Variants in RALGAPA1 observed in about 807,000 individuals in gnomAD.
The protein encoded by RALGAPA1 is ral GTPase-activating protein subunit alpha-1.
In RALGAPA1, 52 loss-of-function variants were observed where a neutral mutation model predicts 269.6. That is an observed-to-expected ratio of 0.19 (90% CI 0.15 to 0.24). RALGAPA1 has a LOEUF of 0.24. Ranked by LOEUF, RALGAPA1 falls within the 10% of genes least tolerant of loss-of-function variation. The pLI is 1.00. For missense variants in RALGAPA1, 1,917 were observed against 3,013.9 expected (o/e 0.64, Z 8.52); for synonymous variants, 817 against 1,008.3 (o/e 0.81, Z 3.60).
chr14:35,585,020 G>A (rs544693301), intron 37 of RALGAPA1, among the ~76,000 whole-genome samples: 1 of 152,234 alleles, frequency 6.6e-6, no homozygotes, highest in South Asian at 2.1e-4. Flanking sequence ...AAGAAAGCAG[G>A]AGTAACTATA....
intron 38 of RALGAPA1, 88 bp downstream of exon 38, chr14:35,572,472 C>G: frequency 9.2e-7 from 1 of 1,083,462 alleles, no homozygotes. Flanking sequence ...ATGCCTACTC[C>G]AAATTTTATT....
At chr14:35,748,848 A>AAAAG in intron 9 of RALGAPA1, 24 bp from the exon 10 acceptor site, 2 of 1,543,906 alleles carry the variant, frequency 1.3e-6, no homozygotes, top group South Asian at 1.3e-5. Context: ...AAAAAAAAAA[A>AAAAG]AGAGAGAAAC....
At chr14:35,662,183 G>A (rs889889838) in intron 27 of RALGAPA1, among the ~76,000 whole-genome samples, 5 of 152,114 alleles carry the variant, frequency 3.3e-5, no homozygotes, top group African/African-American at 1.2e-4. Context: ...TTCACAAAGG[G>A]GTCTTAGATA....
chr14:35,710,945 C>T (rs539854377), intron 16 of RALGAPA1, among the ~76,000 whole-genome samples: 1 of 152,354 alleles, frequency 6.6e-6, no homozygotes, highest in African/African-American at 2.4e-5. Flanking sequence ...TTCTGTAATA[C>T]ATTCTACGAT....
At chr14:35,645,996 G>T (rs2062413448) in intron 31 of RALGAPA1, among the ~76,000 whole-genome samples, 1 of 151,960 alleles carries the variant, frequency 6.6e-6, no homozygotes, top group African/African-American at 2.4e-5. Context: ...GACATTTTGA[G>T]CACCAAAATA....
chr14:35,596,371 G>A (rs2058930716), intron 36 of RALGAPA1, among the ~76,000 whole-genome samples: 1 of 151,928 alleles, frequency 6.6e-6, no homozygotes, highest in African/African-American at 2.4e-5. Context: ...TTGTTGCATT[G>A]GATGATATTC....
At chr14:35,614,758 G>A (rs1336992596) in intron 35 of RALGAPA1, among the ~76,000 whole-genome samples, 3 of 152,070 alleles carry the variant, frequency 2.0e-5, no homozygotes, top group Non-Finnish European at 4.4e-5. Context: ...CATCTATTAA[G>A]TGTAAATTCT....
At chr14:35,545,054 C>T (rs1184881103) in intron 41 of RALGAPA1, among the ~76,000 whole-genome samples, 1 of 151,994 alleles carries the variant, frequency 6.6e-6, no homozygotes, top group Non-Finnish European at 1.5e-5. Context: ...AAAAACCAAA[C>T]CATTAAATAA....
intron 1 of RALGAPA1, among the ~76,000 whole-genome samples, chr14:35,803,378 A>G (rs1001991052): frequency 1.3e-5 from 2 of 152,210 alleles, no homozygotes; most frequent in Admixed American, 1.3e-4. Context: ...TAAAACTGTA[A>G]AACTTCTAGA....
At chr14:35,663,883 G>A (rs569412932) in intron 27 of RALGAPA1, among the ~76,000 whole-genome samples, 4 of 152,150 alleles carry the variant, frequency 2.6e-5, no homozygotes, top group East Asian at 3.9e-4. Context: ...GAGCCACTGC[G>A]CCCAGCTGGG....
chr14:35,674,047 C>T (rs1462980737), intron 24 of RALGAPA1, 133 bp downstream of exon 24: 6 of 625,654 alleles, frequency 9.6e-6, no homozygotes, highest in Non-Finnish European at 1.7e-5. Flanking sequence ...TATATAATGC[C>T]TAATGACTTC....
intron 31 of RALGAPA1, among the ~76,000 whole-genome samples, chr14:35,651,233 T>C (rs1294984269): frequency 2.0e-5 from 3 of 152,070 alleles, no homozygotes; most frequent in Non-Finnish European, 4.4e-5. Flanking sequence ...AGAGAAGATG[T>C]ATATAATTGA....
At chr14:35,680,448 G>A (rs1381010946) in intron 21 of RALGAPA1, among the ~76,000 whole-genome samples, 3 of 151,922 alleles carry the variant, frequency 2.0e-5, no homozygotes, top group African/African-American at 7.3e-5. Flanking sequence ...GACCTCAGGT[G>A]ATTCAACTGC....
In RALGAPA1 at chr14:35,677,951, T is replaced by C; in HGVS notation, c.4623A>G (p.Leu1541=). ...AAATATCTAATTTTGAAATATTGCC[T>C]AGATCATCTGGTGTCTGAAGAACAG... The part of the protein sequence containing the change: ...HHSVLQTPDD[L]EISEFPSECC... Residue 1541 remains leucine (L), a splice_region_variant and synonymous_variant, in exon 22 of 42, where the codon CTA becomes CTG. Coordinates refer to ENST00000680220, the MANE Select transcript of RALGAPA1 (RefSeq NM_001346249.2). The C allele has an allele frequency of 6.2e-7, 1 of 1,613,250 alleles. No homozygotes were observed. Among genetic ancestry groups the C allele is most frequent in the Non-Finnish European group, 8.5e-7 (1 of 1,179,752 alleles).
At chr14:35,695,521 C>T (rs561333697) in intron 17 of RALGAPA1, among the ~76,000 whole-genome samples, 1 of 152,190 alleles carries the variant, frequency 6.6e-6, no homozygotes, top group South Asian at 2.1e-4. Flanking sequence ...AGAGATCAGT[C>T]CCCAACATTA....
At chr14:35,687,838 C>T (rs1025597556) in intron 18 of RALGAPA1, among the ~76,000 whole-genome samples, 1 of 152,140 alleles carries the variant, frequency 6.6e-6, no homozygotes, top group South Asian at 2.1e-4. Flanking sequence ...TAAATGAATG[C>T]AAAACTAAAA....
intron 41 of RALGAPA1, chr14:35,541,639 A>G: frequency 2.3e-6 from 1 of 438,250 alleles, no homozygotes; most frequent in Admixed American, 2.5e-5. Context: ...AGCACTGCAG[A>G]TGGATGGCAG....
intron 1 of RALGAPA1, among the ~76,000 whole-genome samples, chr14:35,799,960 T>C (rs567419332): frequency 6.6e-6 from 1 of 152,264 alleles, no homozygotes; most frequent in South Asian, 2.1e-4. Flanking sequence ...AATATCAAAG[T>C]AGATTCCAAA....
chr14:35,655,919 CA>C lies in RALGAPA1; in HGVS notation c.5388-5del. The C allele has an allele frequency of 6.2e-7, 1 of 1,612,024 alleles. No individual in the cohort carries two copies. The highest frequency in any genetic ancestry group is 8.5e-7 in the Non-Finnish European group (1 of 1,179,258). On this transcript the variant is annotated splice_region_variant and splice_polypyrimidine_tract_variant and intron_variant, in intron 28 of 41. Transcript: ENST00000680220. ...TAAACTACAAAGTGCTACACATCTG[CA>C]AAAAAGGCAAACAACAACGGTTACA...
Sources: gnomAD v4.1 joint callset for allele counts (sites outside exome capture counted in the v4.1 genomes callset) on GRCh38, gnomAD v4.1.1 for gene constraint, MANE v1.5 for transcripts, NCBI Gene and HGNC (gene_info 2026-07-23, HGNC 2026-07-21) for gene names.